Variants in SORCS3 observed in about 807,000 individuals in gnomAD.
The protein encoded by SORCS3 is sortilin related VPS10 domain containing receptor 3.
In SORCS3, 57 loss-of-function variants were observed where a neutral mutation model predicts 146.3. The ratio of observed to expected loss-of-function variants is 0.39; its 90% CI spans 0.31 to 0.49. The LOEUF (loss-of-function observed/expected upper bound fraction) is 0.49. Ranked by LOEUF, SORCS3 falls within the 20% of genes least tolerant of loss-of-function variation. The pLI is 0.92. For synonymous variants in SORCS3, 653 were observed against 618.5 expected, an observed-to-expected ratio of 1.06 and a Z score of -0.83; for missense variants, 1,341 against 1,575.5, an observed-to-expected ratio of 0.85 and a Z score of 2.52.
At chr10:105,037,045 G>A (rs1484361393) in intron 4 of SORCS3, among the ~76,000 whole-genome samples, 2 of 152,174 alleles carry the variant, frequency 1.3e-5, no homozygotes, top group African/African-American at 2.4e-5. Flanking sequence ...AAGATCCCAT[G>A]AAGTCACATT....
At chr10:104,973,234 C>G (rs1472543565) in intron 3 of SORCS3, among the ~76,000 whole-genome samples, 1 of 152,080 alleles carries the variant, frequency 6.6e-6, no homozygotes, top group Non-Finnish European at 1.5e-5. Flanking sequence ...AGGATTCCCT[C>G]TTTTTCTATT....
At chr10:104,852,516 C>T (rs1185547561) in intron 2 of SORCS3, among the ~76,000 whole-genome samples, 1 of 152,176 alleles carries the variant, frequency 6.6e-6, no homozygotes, top group Non-Finnish European at 1.5e-5. Context: ...TTATTCTAAT[C>T]CCACTGAATC....
intron 8 of SORCS3, among the ~76,000 whole-genome samples, chr10:105,144,391 T>C (rs1259519406): frequency 1.3e-5 from 2 of 152,184 alleles, no homozygotes; most frequent in African/African-American, 4.8e-5. Flanking sequence ...ATTTCCGTTG[T>C]CTGACACATG....
intron 4 of SORCS3, among the ~76,000 whole-genome samples, chr10:105,025,136 C>T (rs1161632823): frequency 6.6e-6 from 1 of 152,156 alleles, no homozygotes; most frequent in African/African-American, 2.4e-5. Context: ...AGATATTCCT[C>T]AAGAGAGCTG....
intron 2 of SORCS3, among the ~76,000 whole-genome samples, chr10:104,861,423 T>TA (rs1341900460): frequency 6.6e-6 from 1 of 152,164 alleles, no homozygotes; most frequent in African/African-American, 2.4e-5. Context: ...TTAATAATGG[T>TA]AAAGTGTTGG....
chr10:104,642,022 G>GGGGGGGGGGGGGCGCCCC, intron 1 of SORCS3, 68 bp downstream of exon 1: 1 of 173,336 alleles, frequency 5.8e-6, no homozygotes, highest in Non-Finnish European at 1.1e-5. Context: ...GGGTGGGTGG[G>GGGGGGGGGGGGGCGCCCC]AGCGAGGGAC....
intron 1 of SORCS3, among the ~76,000 whole-genome samples, chr10:104,666,766 C>G (rs1030394280): frequency 6.6e-6 from 1 of 152,090 alleles, no homozygotes; most frequent in Non-Finnish European, 1.5e-5. Context: ...CCTCCATACC[C>G]AACTATTTTT....
intron 1 of SORCS3, among the ~76,000 whole-genome samples, chr10:104,722,897 C>G (rs1176301239): frequency 6.6e-6 from 1 of 152,134 alleles, no homozygotes. Context: ...TGCTAGCGGT[C>G]TATCAATTTT....
intron 1 of SORCS3, among the ~76,000 whole-genome samples, chr10:104,718,565 T>C (rs2016507018): frequency 6.6e-6 from 1 of 152,120 alleles, no homozygotes; most frequent in Admixed American, 6.5e-5. Context: ...TGAAGTACAA[T>C]TAGAGTCTGA....
intron 1 of SORCS3, among the ~76,000 whole-genome samples, chr10:104,746,845 G>A (rs2016917272): frequency 6.6e-6 from 1 of 152,210 alleles, no homozygotes; most frequent in Admixed American, 6.5e-5. Flanking sequence ...AAGGACATAT[G>A]CTGCATTAGC....
chr10:104,854,367 T>A (rs1003708417), intron 2 of SORCS3, among the ~76,000 whole-genome samples: 3 of 152,156 alleles, frequency 2.0e-5, no homozygotes, highest in African/African-American at 7.2e-5. Flanking sequence ...CTGGGATGAG[T>A]GTGCCATTTG....
chr10:104,694,753 C>T (rs921984169), intron 1 of SORCS3, among the ~76,000 whole-genome samples: 5 of 152,168 alleles, frequency 3.3e-5, no homozygotes, highest in Non-Finnish European at 7.3e-5. Context: ...TTCAGATACT[C>T]CCACACTAAT....
intron 4 of SORCS3, among the ~76,000 whole-genome samples, chr10:104,989,725 C>T (rs188817881): frequency 2.6e-5 from 4 of 152,124 alleles, no homozygotes; most frequent in Non-Finnish European, 4.4e-5. Context: ...ACAGAAGTCC[C>T]GAACTGAGGC....
chr10:105,085,517 G>A (rs2055654427), intron 5 of SORCS3, among the ~76,000 whole-genome samples: 1 of 152,186 alleles, frequency 6.6e-6, no homozygotes, highest in Admixed American at 6.5e-5. Flanking sequence ...TGGAGCTCAG[G>A]AGAAATATTG....
intron 1 of SORCS3, among the ~76,000 whole-genome samples, chr10:104,805,316 G>T (rs910276670): frequency 1.3e-5 from 2 of 152,210 alleles, no homozygotes; most frequent in African/African-American, 4.8e-5. Context: ...ACATGAAATA[G>T]CTTGACTAAT....
intron 5 of SORCS3, among the ~76,000 whole-genome samples, chr10:105,055,310 T>C (rs1284878520): frequency 6.6e-6 from 1 of 152,220 alleles, no homozygotes; most frequent in Non-Finnish European, 1.5e-5. Context: ...TACCCTTAAA[T>C]TCTTCAGACT....
chr10:104,911,388 T>A (rs1168153193), intron 2 of SORCS3, among the ~76,000 whole-genome samples: 1 of 152,246 alleles, frequency 6.6e-6, no homozygotes, highest in Non-Finnish European at 1.5e-5. Flanking sequence ...GCAGTCCCTC[T>A]TTTCAGCAGC....
chr10:104,697,886 G>A (rs1207511223), intron 1 of SORCS3, among the ~76,000 whole-genome samples: 1 of 152,178 alleles, frequency 6.6e-6, no homozygotes, highest in African/African-American at 2.4e-5. Flanking sequence ...TGAGGGGTCT[G>A]GTTTAATGAG....
chr10:104,667,354 A>T (rs543217847), intron 1 of SORCS3, among the ~76,000 whole-genome samples: 2 of 151,986 alleles, frequency 1.3e-5, no homozygotes, highest in Non-Finnish European at 2.9e-5. Flanking sequence ...CCTTCTCCTG[A>T]GATCTTCCTG....
Sources: gnomAD v4.1 joint callset for allele counts (sites outside exome capture counted in the v4.1 genomes callset) on GRCh38, gnomAD v4.1.1 for gene constraint, MANE v1.5 for transcripts, NCBI Gene and HGNC (gene_info 2026-07-23, HGNC 2026-07-21) for gene names.